MAST4: variants seen among roughly 807,000 people sequenced by gnomAD.
The protein encoded by MAST4 is microtubule-associated serine/threonine-protein kinase 4.
In MAST4, 89 loss-of-function variants were observed where a neutral mutation model predicts 162.7. The ratio of observed to expected loss-of-function variants is 0.55; its 90% CI spans 0.46 to 0.65. The LOEUF is 0.65. Ranked by LOEUF, MAST4 falls within the 30% of genes least tolerant of loss-of-function variation. The pLI is 0.00. For missense variants in MAST4, 3,153 were observed against 3,374.0 expected (o/e 0.93, Z 1.62); for synonymous variants, 1,479 against 1,361.1 (o/e 1.09, Z -1.91).
chr5:66,940,493 G>C (rs531560776), intron 4 of MAST4, among the ~76,000 whole-genome samples: 1 of 152,074 alleles, frequency 6.6e-6, no homozygotes, highest in African/African-American at 2.4e-5. Context: ...TTTCAACGTT[G>C]TTCATAGCAT....
intron 1 of MAST4, among the ~76,000 whole-genome samples, chr5:66,730,884 A>C (rs1390267196): frequency 1.3e-5 from 2 of 152,122 alleles, no homozygotes; most frequent in South Asian, 2.1e-4. Context: ...AATAGGGAAA[A>C]GAGTACTTTA....
intron 4 of MAST4, among the ~76,000 whole-genome samples, chr5:66,970,390 T>A (rs1747283168): frequency 6.6e-6 from 1 of 152,190 alleles, no homozygotes; most frequent in Non-Finnish European, 1.5e-5. Context: ...ATAGTATTTT[T>A]AAAATGGGTA....
At chr5:66,831,481 G>T (rs933831968) in intron 3 of MAST4, among the ~76,000 whole-genome samples, 3 of 152,148 alleles carry the variant, frequency 2.0e-5, no homozygotes, top group African/African-American at 7.2e-5. Flanking sequence ...ATAAAATGAT[G>T]CAGTATGTAT....
chr5:66,774,128 G>A (rs150569552), intron 2 of MAST4, among the ~76,000 whole-genome samples: 31 of 152,306 alleles, frequency 2.0e-4, no homozygotes, highest in Admixed American at 2.0e-3. Context: ...TAACAATTAT[G>A]TATGTCATTG....
intron 5 of MAST4, among the ~76,000 whole-genome samples, chr5:67,088,835 A>G (rs982162571): frequency 6.6e-6 from 1 of 152,218 alleles, no homozygotes; most frequent in Admixed American, 6.5e-5. Flanking sequence ...CTTAAAGTTA[A>G]TGTCATTTGT....
intron 1 of MAST4, among the ~76,000 whole-genome samples, chr5:66,687,636 TTATCTATC>T (rs34407559): frequency 0.24 from 36,114 of 149,372 alleles, 5,731 homozygotes; most frequent in African/African-American, 0.45. Flanking sequence ...GTGTGTGTGT[TTATCTATC>T]TATCTATCTA....
intron 3 of MAST4, among the ~76,000 whole-genome samples, chr5:66,807,702 T>A (rs1042231488): frequency 6.6e-6 from 1 of 152,184 alleles, no homozygotes; most frequent in Non-Finnish European, 1.5e-5. Context: ...CTCATACTCA[T>A]GGGAACCGTA....
rs540719466 is a variant in MAST4, at chr5:66,853,440, T to G, written c.643-46511T>G. Among the ~76,000 whole-genome samples, 107 of 152,340 alleles carry G rather than the reference T, an allele frequency of 7.0e-4. 2 individuals carry two copies. Among genetic ancestry groups the G allele is most frequent in the Non-Finnish European group, 5.9e-5 (4 of 68,022 alleles). On this transcript the variant is annotated intron_variant, in intron 3 of 28. Transcript: ENST00000403625. ...AAAATAAATAGTATTAAAGAAGTGT[T>G]TCATGAATAAGTGAGAAAGAACCCT... is the stretch of plus-strand genomic sequence containing the variant.
At chr5:67,093,404 A>G (rs1046189319) in intron 6 of MAST4, among the ~76,000 whole-genome samples, 5 of 152,178 alleles carry the variant, frequency 3.3e-5, no homozygotes, top group Non-Finnish European at 7.4e-5. Context: ...ACCTTTCTTG[A>G]AAAAAGGGCA....
At chr5:67,127,753 A>G (rs1274933893) in intron 14 of MAST4, among the ~76,000 whole-genome samples, 1 of 152,212 alleles carries the variant, frequency 6.6e-6, no homozygotes, top group Non-Finnish European at 1.5e-5. Context: ...TCTCATCAGT[A>G]GCTGAAAAAA....
At chr5:66,886,483 G>A (rs916220780) in intron 3 of MAST4, among the ~76,000 whole-genome samples, 2 of 151,822 alleles carry the variant, frequency 1.3e-5, no homozygotes, top group Non-Finnish European at 2.9e-5. Flanking sequence ...TTCTAACGTC[G>A]ATTCTCCCCA....
intron 5 of MAST4, among the ~76,000 whole-genome samples, chr5:67,078,915 T>TATATATAC (rs1762178855): frequency 3.5e-5 from 1 of 28,532 alleles, no homozygotes; most frequent in African/African-American, 1.0e-4. Flanking sequence ...TATATAAATA[T>TATATATAC]ATATATATAT....
At position 67,164,870 on chromosome 5, in the gene MAST4, G is replaced by A; in HGVS notation, c.5691G>A (p.Lys1897=). 6.2e-7 allele frequency: 1 copy of A among 1,614,016 alleles called. No individual in the cohort carries two copies. The highest frequency in any genetic ancestry group is 8.5e-7 in the Non-Finnish European group (1 of 1,179,894). ...TTTCCCTGCCTGACCCAGAGTTCAA[G>A]AGGGACAGGAAAGGTCCCCATCCTA... The part of the protein sequence containing the change: ...PAVSLPDPEF[K]RDRKGPHPTA... Residue 1897 remains lysine (K), a synonymous_variant, in exon 29 of 29, where the codon AAG becomes AAA. Coordinates refer to ENST00000403625, the MANE Select transcript of MAST4 (RefSeq NM_001164664.2). The surrounding 1 kb of genome is among the most constrained non-coding windows in gnomAD (Gnocchi z 5.3).
Position 66,886,455 on chromosome 5 carries a change from T to G in MAST4, c.643-13496T>G, listed in dbSNP as rs532419698. Reference sequence around the variant, plus strand: ...ATGATAGGCTGCCTAAAACTTTGTGTTGTTCAAAGTTCCTTTGTTCTAACG... The same window carrying G: ...ATGATAGGCTGCCTAAAACTTTGTGGTGTTCAAAGTTCCTTTGTTCTAACG... On this transcript the variant is annotated intron_variant, in intron 3 of 28. Coordinates refer to ENST00000403625, the MANE Select transcript of MAST4 (RefSeq NM_001164664.2). Among the ~76,000 whole-genome samples, 10 of 152,208 alleles carry G rather than the reference T, an allele frequency of 6.6e-5. No homozygotes were observed. The East Asian group carries it at 1.5e-3, about 24-fold the overall frequency.
chr5:66,691,845 G>A (rs975463780), intron 1 of MAST4, among the ~76,000 whole-genome samples: 27 of 152,254 alleles, frequency 1.8e-4, no homozygotes, highest in Non-Finnish European at 1.0e-4. Flanking sequence ...CAGACATTCA[G>A]TCTATTGTTC....
chr5:66,604,140 A>G (rs1452728723), intron 1 of MAST4, among the ~76,000 whole-genome samples: 1 of 152,222 alleles, frequency 6.6e-6, no homozygotes, highest in African/African-American at 2.4e-5. Context: ...GGTCCTTGGT[A>G]CAGACACATA....
Position 67,100,548 on chromosome 5 carries a change from C to G in MAST4, c.1026C>G (p.Asn342Lys), listed in dbSNP as rs1392739316. 2 of 1,613,970 alleles carry G rather than the reference C, an allele frequency of 1.2e-6. No homozygotes were observed. Among genetic ancestry groups the G allele is most frequent in the Middle Eastern group, 1.6e-4 (1 of 6,062 alleles). The change falls in exon 8 of 29, where the codon AAC (asparagine) becomes AAG (lysine). Residue 342 changes from asparagine to lysine, a missense_variant. Asn to Lys is a moderately conservative substitution (Grantham distance 94). This residue lies in a region of MAST4 where 360 missense variants were observed against 450.0 expected (regional missense o/e 0.80). Coordinates refer to ENST00000403625, the MANE Select transcript of MAST4 (RefSeq NM_001164664.2). ...FCTTESIATE[N>K]RCRNTPMRPR... ...CCACCGAAAGCATCGCCACTGAGAA[C>G]AGATGCAGGAACACGCCGATGCGCC...
At chr5:66,871,356 G>T (rs1056288915) in intron 3 of MAST4, among the ~76,000 whole-genome samples, 110 of 152,066 alleles carry the variant, frequency 7.2e-4, no homozygotes, top group African/African-American at 2.5e-3. Context: ...CACAGTAATG[G>T]CTATTTTTAA....
At chr5:66,800,811 G>A (rs1461945895) in intron 3 of MAST4, among the ~76,000 whole-genome samples, 2 of 152,120 alleles carry the variant, frequency 1.3e-5, no homozygotes, top group Non-Finnish European at 2.9e-5. Context: ...TAAGGATCCT[G>A]CTCTTCATGA....
Sources: gnomAD v4.1 joint callset for allele counts (sites outside exome capture counted in the v4.1 genomes callset) on GRCh38, gnomAD v4.1.1 for gene constraint, gnomAD v4.1.1 regional missense constraint, Gnocchi (gnomAD v3.1) non-coding constraint, MANE v1.5 for transcripts, NCBI Gene and HGNC (gene_info 2026-07-23, HGNC 2026-07-21) for gene names.